Variants in ADCK1 observed in about 807,000 individuals in gnomAD.
The protein encoded by ADCK1 is aarF domain containing kinase 1, also known as aarF domain-containing protein kinase 1.
ADCK1 carries 41 observed loss-of-function variants against 52.3 expected under a neutral mutation model. The ratio of observed to expected loss-of-function variants is 0.78; its 90% CI spans 0.61 to 1.02. The LOEUF (loss-of-function observed/expected upper bound fraction) is 1.02, where lower values mean the gene tolerates loss of function less well. ADCK1 is among the 50% of genes least tolerant of loss of function. ADCK1 has a pLI of 0.00. For missense variants in ADCK1, 658 were observed against 679.5 expected (o/e 0.97, Z 0.35); for synonymous variants, 250 against 274.6 (o/e 0.91, Z 0.89).
chr14:77,849,497 A>G (rs2082240153), intron 3 of ADCK1, among the ~76,000 whole-genome samples: 1 of 152,084 alleles, frequency 6.6e-6, no homozygotes, highest in African/African-American at 2.4e-5. Flanking sequence ...GCTGGAGTGC[A>G]GTGACATGAT....
rs545663690 is a variant in ADCK1, at chr14:77,847,369, G to A, written c.220-11707G>A. ...GTGGATCACTTGAGGTCAGGCGTTC[G>A]AGATCAGCCTGGCCAACATGGCAAA... On this transcript the variant is annotated intron_variant, in intron 3 of 10. Transcript: ENST00000238561. 1.9e-3 allele frequency among the ~76,000 whole-genome samples: 291 copies of A among 152,264 alleles called. 3 individuals carry two copies. The highest frequency in any genetic ancestry group is 6.4e-3 in the African/African-American group (267 of 41,550).
intron 3 of ADCK1, among the ~76,000 whole-genome samples, chr14:77,852,668 T>A (rs986525784): frequency 6.7e-3 from 59 of 8,850 alleles, no homozygotes; most frequent in African/African-American, 0.014. Flanking sequence ...TAAATATATA[T>A]ATATATATAT....
At chr14:77,802,716 C>G (rs1367720726) in intron 1 of ADCK1, among the ~76,000 whole-genome samples, 1 of 152,116 alleles carries the variant, frequency 6.6e-6, no homozygotes, top group Non-Finnish European at 1.5e-5. Context: ...TTTGGGAAGC[C>G]AAGGCGGGCG....
At chr14:77,858,467 C>T (rs1278987293) in intron 3 of ADCK1, among the ~76,000 whole-genome samples, 2 of 152,032 alleles carry the variant, frequency 1.3e-5, no homozygotes, top group Non-Finnish European at 2.9e-5. Flanking sequence ...GTCTTGAACT[C>T]CTGACCTCAT....
chr14:77,859,233 G>T lies in ADCK1; in HGVS notation c.377G>T (p.Ser126Ile), dbSNP rs1048220334. 1 of 1,613,894 alleles carries T rather than the reference G, an allele frequency of 6.2e-7. No individual in the cohort carries two copies. The highest frequency in any genetic ancestry group is 1.3e-5 in the African/African-American group (1 of 74,940). The change falls in exon 4 of 11, where the codon AGC becomes ATC. Residue 126 changes from serine (S) to isoleucine (I), a missense_variant. Physicochemically the swap from Ser to Ile is moderately radical, Grantham distance 142. Transcript: ENST00000238561. ...KVLHSQAPQS[S>I]MQEIRQVIRE... ...CTGCACAGCCAGGCTCCACAGAGCAGCATGCAAGAGATCCGCCAGGTCATC... is the reference window on the plus strand; with the variant it reads ...CTGCACAGCCAGGCTCCACAGAGCATCATGCAAGAGATCCGCCAGGTCATC...
chr14:77,852,675 A>ATAT (rs1555351631), intron 3 of ADCK1, among the ~76,000 whole-genome samples: 9 of 42,126 alleles, frequency 2.1e-4, no homozygotes, highest in African/African-American at 5.8e-4. Flanking sequence ...ATATATATAT[A>ATAT]TATATATATA....
intron 3 of ADCK1, among the ~76,000 whole-genome samples, chr14:77,854,413 G>A (rs1237945485): frequency 6.6e-6 from 1 of 152,192 alleles, no homozygotes; most frequent in Non-Finnish European, 1.5e-5. Context: ...AGGGAGTATA[G>A]TTAGAGTATT....
At chr14:77,921,207 G>T (rs1368521815) in intron 7 of ADCK1, among the ~76,000 whole-genome samples, 1 of 150,012 alleles carries the variant, frequency 6.7e-6, no homozygotes, top group Non-Finnish European at 1.5e-5. Flanking sequence ...GGCACCTGTA[G>T]TCCCAGCTAC....
intron 3 of ADCK1, among the ~76,000 whole-genome samples, chr14:77,835,875 T>C (rs1487720255): frequency 6.7e-6 from 1 of 149,116 alleles, no homozygotes; most frequent in East Asian, 1.9e-4. Flanking sequence ...AGCTCAAACA[T>C]TCCCCCTGCT....
At chr14:77,824,907 C>T (rs1429518672) in intron 3 of ADCK1, among the ~76,000 whole-genome samples, 1 of 152,158 alleles carries the variant, frequency 6.6e-6, no homozygotes, top group Non-Finnish European at 1.5e-5. Flanking sequence ...TGTAGAATTT[C>T]CTACCTTCAG....
intron 3 of ADCK1, among the ~76,000 whole-genome samples, chr14:77,841,136 G>T (rs2082057595): frequency 6.6e-6 from 1 of 152,198 alleles, no homozygotes; most frequent in South Asian, 2.1e-4. Flanking sequence ...CAGGGCAGCT[G>T]CATGCCCTTG....
rs1307971920 is a variant in ADCK1, at chr14:77,905,155, G to A, written c.742-2648G>A. 2.0e-5 allele frequency among the ~76,000 whole-genome samples: 3 copies of A among 151,998 alleles called. No homozygotes were observed. In the East Asian group the frequency reaches 5.8e-4, roughly 29 times the overall value. On this transcript the variant is annotated intron_variant, in intron 6 of 10. Transcript: ENST00000238561. ...TCAGATTTAAGCAGCAGAAGCAAGG[G>A]GCACATTCTGTGGTTAGACTGGAAT...
intron 3 of ADCK1, 115 bp downstream of exon 3, chr14:77,822,633 A>G: frequency 2.2e-6 from 2 of 889,678 alleles, no homozygotes; most frequent in Non-Finnish European, 3.6e-6. Flanking sequence ...TAAAGGCATG[A>G]GCCACTGTGC....
intron 1 of ADCK1, among the ~76,000 whole-genome samples, chr14:77,815,240 G>A (rs2081422188): frequency 7.6e-6 from 1 of 132,180 alleles, no homozygotes; most frequent in Non-Finnish European, 1.6e-5. Flanking sequence ...GTTTTACTGT[G>A]TTGCCCAGGC....
intron 5 of ADCK1, among the ~76,000 whole-genome samples, chr14:77,894,482 T>G (rs1044313313): frequency 6.6e-6 from 1 of 152,170 alleles, no homozygotes; most frequent in African/African-American, 2.4e-5. Context: ...TTGTCCTGTG[T>G]CGTTGTGTTG....
intron 9 of ADCK1, among the ~76,000 whole-genome samples, chr14:77,928,297 G>C (rs917392448): frequency 6.6e-6 from 1 of 152,036 alleles, no homozygotes; most frequent in African/African-American, 2.4e-5. Context: ...AGATGTCATG[G>C]GCAGCTAAGA....
At chr14:77,841,353 C>T (rs1382964582) in intron 3 of ADCK1, among the ~76,000 whole-genome samples, 5 of 152,066 alleles carry the variant, frequency 3.3e-5, no homozygotes, top group African/African-American at 1.2e-4. Flanking sequence ...CTGGAGGAAC[C>T]CTGGGAGCTC....
chr14:77,901,171 A>C (rs1438559735), intron 6 of ADCK1, among the ~76,000 whole-genome samples: 1 of 151,478 alleles, frequency 6.6e-6, no homozygotes, highest in Non-Finnish European at 1.5e-5. Context: ...CAGTCTCCCA[A>C]GTAGCTGGGA....
intron 4 of ADCK1, among the ~76,000 whole-genome samples, chr14:77,863,065 T>G (rs1362794696): frequency 6.6e-6 from 1 of 152,178 alleles, no homozygotes; most frequent in African/African-American, 2.4e-5. Flanking sequence ...TGAGGTCTTG[T>G]TGATTACAAT....
Sources: gnomAD v4.1 joint callset for allele counts (sites outside exome capture counted in the v4.1 genomes callset) on GRCh38, gnomAD v4.1.1 for gene constraint, MANE v1.5 for transcripts, NCBI Gene and HGNC (gene_info 2026-07-23, HGNC 2026-07-21) for gene names.